The following CLPB variants were observed in gnomAD, a reference collection of about 807,000 sequenced individuals.
CLPB encodes mitochondrial disaggregase.
A neutral mutation model predicts 78.4 loss-of-function variants in CLPB; 40 were observed. That is an observed-to-expected ratio of 0.51 (90% CI 0.40 to 0.66). CLPB has a LOEUF of 0.66. CLPB is among the 30% of genes least tolerant of loss of function. The pLI is 0.00. For missense variants in CLPB, 780 were observed against 886.9 expected, an observed-to-expected ratio of 0.88 and a Z score of 1.53; for synonymous variants, 333 against 348.0, an observed-to-expected ratio of 0.96 and a Z score of 0.48.
At chr11:72,297,636 G>GGTGTGTGTGTGTGTGTGTGTGT (rs67807556) in intron 11 of CLPB, among the ~76,000 whole-genome samples, 31 of 93,468 alleles carry the variant, frequency 3.3e-4, no homozygotes, top group Non-Finnish European at 4.9e-4. Flanking sequence ...TTGGGGACCA[G>GGTGTGTGTGTGTGTGTGTGTGT]GTGTGTGTGT....
intron 11 of CLPB, among the ~76,000 whole-genome samples, chr11:72,296,693 A>C (rs996041896): frequency 2.0e-5 from 3 of 152,058 alleles, no homozygotes; most frequent in African/African-American, 7.2e-5. Flanking sequence ...TTTGTGTACA[A>C]CCCCACTCCT....
chr11:72,422,661 C>T (rs1038683901), intron 2 of CLPB, among the ~76,000 whole-genome samples: 2 of 152,194 alleles, frequency 1.3e-5, no homozygotes, highest in African/African-American at 4.8e-5. Context: ...TATTTACATA[C>T]TTCCTGATTA....
chr11:72,349,920 C>T (rs1950583636), intron 5 of CLPB, among the ~76,000 whole-genome samples: 1 of 152,270 alleles, frequency 6.6e-6, no homozygotes, highest in Non-Finnish European at 1.5e-5. Context: ...GCTGCCACTA[C>T]TGGCGGTGAT....
chr11:72,399,430 G>A (rs1855500545), intron 3 of CLPB, among the ~76,000 whole-genome samples: 1 of 151,918 alleles, frequency 6.6e-6, no homozygotes, highest in South Asian at 2.1e-4. Flanking sequence ...TGTATTTTAA[G>A]TCACTTCAAA....
chr11:72,432,583 C>A (rs1856578286), intron 1 of CLPB, among the ~76,000 whole-genome samples: 1 of 152,166 alleles, frequency 6.6e-6, no homozygotes, highest in South Asian at 2.1e-4. Flanking sequence ...GTTAGGACTT[C>A]CCACACACCT....
intron 2 of CLPB, among the ~76,000 whole-genome samples, chr11:72,425,108 C>G (rs1856333638): frequency 6.6e-6 from 1 of 152,140 alleles, no homozygotes; most frequent in Non-Finnish European, 1.5e-5. Context: ...TTGTTTTTCC[C>G]TTTAAAAACA....
At chr11:72,309,982 T>G (rs555365507) in intron 7 of CLPB, among the ~76,000 whole-genome samples, 1 of 152,196 alleles carries the variant, frequency 6.6e-6, no homozygotes, top group East Asian at 1.9e-4. Context: ...ACTGCAGAGG[T>G]CTGGGAAGGT....
At chr11:72,316,962 G>T in intron 7 of CLPB, 144 bp downstream of exon 7, 1 of 538,448 alleles carries the variant, frequency 1.9e-6, no homozygotes, top group South Asian at 2.8e-5. Context: ...CATGCAGAGA[G>T]CTTATAACAA....
chr11:72,305,518 T>G (rs1949731510), intron 9 of CLPB, among the ~76,000 whole-genome samples: 1 of 152,212 alleles, frequency 6.6e-6, no homozygotes, highest in East Asian at 1.9e-4. Flanking sequence ...GGCTTTCACC[T>G]TGAGGCAAGA....
chr11:72,313,354 C>G lies in CLPB; in HGVS notation c.988+3752G>C, dbSNP rs1222015636. Among the ~76,000 whole-genome samples the G allele has an allele frequency of 2.6e-5, 4 of 152,190 alleles. No individual in the cohort carries two copies. In the East Asian group the frequency reaches 7.7e-4, roughly 29 times the overall value. ...ATCATGAAAGAGCTCTCTTCTTAGT[C>G]CTTAGTAAGGATTATTCTTTCTGCA... On this transcript the variant is annotated intron_variant, in intron 7 of 15. Coordinates refer to ENST00000538039, the MANE Select transcript of CLPB (RefSeq NM_001258392.3).
intron 2 of CLPB, chr11:72,412,145 C>T (rs930289553): frequency 6.6e-6 from 1 of 152,334 alleles, no homozygotes; most frequent in Admixed American, 6.5e-5. Flanking sequence ...GGACAGCAGA[C>T]TTCAGGCAGG....
chr11:72,375,720 C>T (rs1590865141), intron 4 of CLPB, among the ~76,000 whole-genome samples: 2 of 152,162 alleles, frequency 1.3e-5, no homozygotes, highest in Non-Finnish European at 2.9e-5. Context: ...TGACTGGGAG[C>T]ACTGATGAGG....
At chr11:72,337,517 T>C (rs1164942824) in intron 5 of CLPB, among the ~76,000 whole-genome samples, 3 of 152,194 alleles carry the variant, frequency 2.0e-5, no homozygotes, top group African/African-American at 4.8e-5. Flanking sequence ...GTGTCTGAAT[T>C]ATTCATCAAA....
In CLPB at chr11:72,307,102, T is replaced by C. The variant is rs548705866; in HGVS notation, c.1122+97A>G. 8 of 1,107,956 alleles carry C rather than the reference T, an allele frequency of 7.2e-6. No individual in the cohort carries two copies. In the African/African-American group the frequency reaches 9.3e-5, roughly 13 times the overall value. 68.6% of individuals were successfully genotyped at this position (1,107,956 alleles called of 1,614,324 possible). ...CCTGGGTCAGGGCCCATCTTTTTGA[T>C]TGCCTATTACTGAATTCAGAGGGTC... On this transcript the variant is annotated intron_variant, in intron 9 of 15. Coordinates refer to ENST00000538039, the MANE Select transcript of CLPB (RefSeq NM_001258392.3).
rs1949410192 is a variant in CLPB at position 72,287,998 on chromosome 11, A to G, written c.*5369T>C. On this transcript the variant is annotated 3_prime_UTR_variant, in exon 16 of 16. Coordinates refer to ENST00000538039, the MANE Select transcript of CLPB (RefSeq NM_001258392.3). ...CTTGTTAAGTTTAGCTTTTATCTTT[A>G]TTGGTCCATTTTCTATTTTTTATGG... The G allele has an allele frequency of 6.6e-6, 1 of 151,174 alleles. No individual in the cohort carries two copies. Among genetic ancestry groups the G allele is most frequent in the Admixed American group, 6.6e-5 (1 of 15,182 alleles). 9.4% of individuals were successfully genotyped at this position (151,174 alleles called of 1,614,324 possible). A position where few individuals can be genotyped will look rare whatever the true frequency, so the allele number is the denominator to read the frequency against.
intron 2 of CLPB, among the ~76,000 whole-genome samples, chr11:72,417,811 T>C (rs2135129008): frequency 6.6e-6 from 1 of 151,888 alleles, no homozygotes; most frequent in African/African-American, 2.4e-5. Context: ...CATCTAGGGG[T>C]TGTGACTGAG....
At chr11:72,331,186 G>A (rs999781475) in intron 5 of CLPB, among the ~76,000 whole-genome samples, 5 of 151,798 alleles carry the variant, frequency 3.3e-5, no homozygotes, top group African/African-American at 7.3e-5. Context: ...AGGTGATCAC[G>A]AGGTCAGGAG....
intron 5 of CLPB, among the ~76,000 whole-genome samples, chr11:72,340,960 C>T (rs928470105): frequency 3.3e-5 from 5 of 152,146 alleles, no homozygotes; most frequent in Non-Finnish European, 5.9e-5. Context: ...ACGCCATTCT[C>T]CTGCCTCAGC....
intron 2 of CLPB, among the ~76,000 whole-genome samples, chr11:72,414,249 A>G (rs1019621602): frequency 1.3e-5 from 2 of 152,176 alleles, no homozygotes; most frequent in Admixed American, 6.5e-5. Context: ...CCCTGCCCAG[A>G]GCTATTAATA....
Sources: gnomAD v4.1 joint callset for allele counts (sites outside exome capture counted in the v4.1 genomes callset) on GRCh38, gnomAD v4.1.1 for gene constraint, MANE v1.5 for transcripts, NCBI Gene and HGNC (gene_info 2026-07-23, HGNC 2026-07-21) for gene names.